ITSN1: variants seen among roughly 807,000 people sequenced by gnomAD.
ITSN1 encodes the protein intersectin-1.
Under a neutral mutation model 239.8 loss-of-function variants are expected in ITSN1, and 58 were observed. The observed-to-expected ratio is 0.24, with a 90% CI of 0.20 to 0.30. ITSN1 has a LOEUF of 0.30. Ranked by LOEUF, ITSN1 falls within the 10% of genes least tolerant of loss-of-function variation. The pLI is 1.00. For synonymous variants in ITSN1, 780 were observed against 770.8 expected (o/e 1.01, Z -0.20); for missense variants, 1,558 against 2,103.3 (o/e 0.74, Z 5.07).
intron 1 of ITSN1, among the ~76,000 whole-genome samples, chr21:33,685,263 G>A (rs935679910): frequency 2.0e-5 from 3 of 152,164 alleles, no homozygotes; most frequent in Non-Finnish European, 4.4e-5. Context: ...TATACTCGGC[G>A]TTCAGGGAAT....
chr21:33,731,109 T>G (rs1381293054), intron 4 of ITSN1, among the ~76,000 whole-genome samples: 1 of 152,252 alleles, frequency 6.6e-6, no homozygotes, highest in Non-Finnish European at 1.5e-5. Flanking sequence ...AACTAAATGT[T>G]GGGATTGTCG....
intron 4 of ITSN1, among the ~76,000 whole-genome samples, chr21:33,728,790 C>T (rs776293496): frequency 1.3e-5 from 2 of 152,162 alleles, no homozygotes; most frequent in Non-Finnish European, 2.9e-5. Context: ...CTTGTTAGTT[C>T]TGCTTGCACT....
chr21:33,773,156 G>A (rs189581886), intron 12 of ITSN1, among the ~76,000 whole-genome samples: 10 of 151,966 alleles, frequency 6.6e-5, no homozygotes, highest in Admixed American at 2.6e-4. Flanking sequence ...ACAGGTGCCC[G>A]CCACCACGCC....
At chr21:33,862,736 G>A (rs1245948486) in intron 31 of ITSN1, among the ~76,000 whole-genome samples, 1 of 152,212 alleles carries the variant, frequency 6.6e-6, no homozygotes, top group African/African-American at 2.4e-5. Flanking sequence ...GGGTTCCAGG[G>A]TTACCTCTGT....
At chr21:33,646,136 T>A (rs73197968) in intron 1 of ITSN1, among the ~76,000 whole-genome samples, 13,236 of 152,074 alleles carry the variant, frequency 0.087, 749 homozygotes, top group Non-Finnish European at 0.12. Context: ...TACAAAAAAA[T>A]TTTTTTTAGT....
intron 15 of ITSN1, 120 bp from the exon 16 acceptor site, chr21:33,781,874 C>A: frequency 1.0e-6 from 1 of 995,992 alleles, no homozygotes; most frequent in Admixed American, 2.8e-5. Context: ...CCACCGCACC[C>A]AGCCTTTTCT....
At chr21:33,838,656 G>A (rs561295932) in intron 29 of ITSN1, among the ~76,000 whole-genome samples, 1 of 152,148 alleles carries the variant, frequency 6.6e-6, no homozygotes, top group African/African-American at 2.4e-5. Flanking sequence ...AGTCTTTGTT[G>A]AACAGCCCTC....
chr21:33,722,455 T>G, intron 3 of ITSN1, 133 bp from the exon 4 acceptor site: 2 of 1,156,516 alleles, frequency 1.7e-6, no homozygotes, highest in South Asian at 4.4e-5. Context: ...TCCTTGGACT[T>G]TTATAATGCA....
chr21:33,667,746 C>T (rs796373102), intron 1 of ITSN1, among the ~76,000 whole-genome samples: 11 of 152,294 alleles, frequency 7.2e-5, no homozygotes, highest in African/African-American at 2.6e-4. Context: ...AGTCTGTTTC[C>T]TGAGTCTGCA....
chr21:33,796,431 A>C (rs75610291), intron 17 of ITSN1, among the ~76,000 whole-genome samples: 1 of 152,230 alleles, frequency 6.6e-6, no homozygotes, highest in South Asian at 2.1e-4. Flanking sequence ...ATTCATACAG[A>C]GTAGAAATAA....
At chr21:33,676,428 A>G (rs1874560610) in intron 1 of ITSN1, among the ~76,000 whole-genome samples, 1 of 151,670 alleles carries the variant, frequency 6.6e-6, no homozygotes, top group Admixed American at 6.6e-5. Context: ...GAGTTTTGCT[A>G]AGTTGCCCAG....
At chr21:33,804,068 A>G (rs1037146685) in intron 20 of ITSN1, among the ~76,000 whole-genome samples, 1 of 152,218 alleles carries the variant, frequency 6.6e-6, no homozygotes, top group Non-Finnish European at 1.5e-5. Flanking sequence ...AGCATGAGAC[A>G]TGTAGTACAA....
At chr21:33,842,646 T>C (rs984905437) in intron 29 of ITSN1, among the ~76,000 whole-genome samples, 2 of 152,282 alleles carry the variant, frequency 1.3e-5, no homozygotes, top group South Asian at 2.1e-4. Flanking sequence ...TACCGCTGTA[T>C]AGAAGATTCT....
chr21:33,707,485 C>G (rs1420278570), intron 1 of ITSN1, among the ~76,000 whole-genome samples: 3 of 152,116 alleles, frequency 2.0e-5, no homozygotes, highest in Non-Finnish European at 4.4e-5. Flanking sequence ...GTGAAATCAT[C>G]ATTCCCAAGA....
At chr21:33,739,882 T>G (rs535975950) in intron 5 of ITSN1, among the ~76,000 whole-genome samples, 1 of 152,288 alleles carries the variant, frequency 6.6e-6, no homozygotes, top group South Asian at 2.1e-4. Flanking sequence ...AAGACTGGAA[T>G]GTAGGGGACA....
intron 1 of ITSN1, chr21:33,689,311 T>A (rs969494121): frequency 2.6e-5 from 4 of 152,334 alleles, no homozygotes; most frequent in African/African-American, 9.6e-5. Flanking sequence ...ATGTAATTTG[T>A]GTCTATTTAG....
intron 1 of ITSN1, among the ~76,000 whole-genome samples, chr21:33,666,886 C>T (rs765925205): frequency 1.3e-5 from 2 of 152,174 alleles, no homozygotes; most frequent in Non-Finnish European, 2.9e-5. Context: ...ACTGCAGCCT[C>T]GACTTCTGGG....
chr21:33,851,851 A>G (rs1274555666), intron 29 of ITSN1, among the ~76,000 whole-genome samples: 1 of 119,194 alleles, frequency 8.4e-6, no homozygotes, highest in Non-Finnish European at 1.6e-5. Context: ...TGGTGCGATC[A>G]TAGCTCACTG....
intron 28 of ITSN1, 22 bp from the exon 29 acceptor site, chr21:33,836,419 C>T: frequency 6.4e-7 from 1 of 1,555,142 alleles, no homozygotes; most frequent in Non-Finnish European, 8.7e-7. Flanking sequence ...TGCAGCCGCT[C>T]ACCCAGCCCT....
Sources: gnomAD v4.1 joint callset for allele counts (sites outside exome capture counted in the v4.1 genomes callset) on GRCh38, gnomAD v4.1.1 for gene constraint, MANE v1.5 for transcripts, NCBI Gene and HGNC (gene_info 2026-07-23, HGNC 2026-07-21) for gene names.